The following PBX3 variants were observed in gnomAD, a reference collection of about 807,000 sequenced individuals.
The protein encoded by PBX3 is pre-B-cell leukemia transcription factor 3.
In PBX3, 14 loss-of-function variants were observed where a neutral mutation model predicts 48.5. That is an observed-to-expected ratio of 0.29 (90% CI 0.19 to 0.45). PBX3 has a LOEUF of 0.45. Ranked by LOEUF, PBX3 falls within the 20% of genes least tolerant of loss-of-function variation. The pLI is 1.00. For synonymous variants in PBX3, 210 were observed against 200.3 expected (o/e 1.05, Z -0.41); for missense variants, 386 against 546.7 (o/e 0.71, Z 2.93).
chr9:125,924,077 C>G (rs1390993282), intron 3 of PBX3, among the ~76,000 whole-genome samples: 3 of 151,788 alleles, frequency 2.0e-5, no homozygotes, highest in Non-Finnish European at 2.9e-5. Context: ...GCTGTGTTGC[C>G]CAGGCTGGTC....
chr9:125,925,394 A>T (rs192202269), intron 3 of PBX3, among the ~76,000 whole-genome samples: 183 of 152,270 alleles, frequency 1.2e-3, no homozygotes, highest in African/African-American at 4.3e-3. Flanking sequence ...TAGATTTCAA[A>T]GAGTACAAAA....
chr9:125,808,519 A>T (rs1156496082), intron 2 of PBX3, among the ~76,000 whole-genome samples: 1 of 152,136 alleles, frequency 6.6e-6, no homozygotes, highest in African/African-American at 2.4e-5. Flanking sequence ...TTAAAAAATT[A>T]GCCAGGTGTG....
chr9:125,749,975 A>G (rs1340810011), intron 2 of PBX3, among the ~76,000 whole-genome samples: 1 of 152,182 alleles, frequency 6.6e-6, no homozygotes, highest in African/African-American at 2.4e-5. Flanking sequence ...TTGAATTACT[A>G]ACTTTTATTT....
intron 2 of PBX3, among the ~76,000 whole-genome samples, chr9:125,824,030 C>T (rs1236514572): frequency 2.0e-5 from 3 of 150,210 alleles, no homozygotes; most frequent in Admixed American, 1.3e-4. Context: ...GAGCTGAGAT[C>T]GTGCCACTGC....
rs201422106 is a variant in PBX3, at chr9:125,898,455, A to AAT, written c.275-17230_275-17229insTA. 1.1e-3 allele frequency among the ~76,000 whole-genome samples: 168 copies of AAT among 150,980 alleles called. 2 individuals carry two copies. The South Asian group carries it at 0.02, about 18-fold the overall frequency. On this transcript the variant is annotated intron_variant, in intron 2 of 8. Transcript: ENST00000373489. ...TAGCAGGACCCCATCTTCTGAAAAA[A>AAT]AAAAATAAAAAAAAGGGCCTTTTGA...
intron 2 of PBX3, among the ~76,000 whole-genome samples, chr9:125,767,513 A>T (rs980885969): frequency 6.6e-6 from 1 of 152,240 alleles, no homozygotes; most frequent in South Asian, 2.1e-4. Context: ...AGAAAGCTGT[A>T]GTGCAGGAAA....
intron 2 of PBX3, among the ~76,000 whole-genome samples, chr9:125,845,317 C>CT (rs1839400030): frequency 6.6e-6 from 1 of 151,980 alleles, no homozygotes; most frequent in Non-Finnish European, 1.5e-5. Context: ...AGATAGTTTT[C>CT]TTTTTAGGAT....
intron 4 of PBX3, among the ~76,000 whole-genome samples, chr9:125,934,193 A>C (rs1841784131): frequency 6.6e-6 from 1 of 152,198 alleles, no homozygotes; most frequent in African/African-American, 2.4e-5. Flanking sequence ...TGTTTTGATC[A>C]GACCTAGATT....
intron 2 of PBX3, among the ~76,000 whole-genome samples, chr9:125,838,088 G>T (rs1181644488): frequency 6.6e-6 from 1 of 152,154 alleles, no homozygotes; most frequent in Non-Finnish European, 1.5e-5. Context: ...ACAGGGTTTT[G>T]TTCTATCATC....
intron 2 of PBX3, among the ~76,000 whole-genome samples, chr9:125,871,553 C>T (rs1333039913): frequency 6.6e-6 from 1 of 151,956 alleles, no homozygotes; most frequent in Non-Finnish European, 1.5e-5. Context: ...CAAGGTATAA[C>T]AGAAAACATT....
At chr9:125,854,689 T>G (rs950807107) in intron 2 of PBX3, among the ~76,000 whole-genome samples, 2 of 152,246 alleles carry the variant, frequency 1.3e-5, no homozygotes, top group Non-Finnish European at 2.9e-5. Flanking sequence ...GTCATTGCTT[T>G]CTTTCCCCAT....
chr9:125,813,228 T>A (rs192374618), intron 2 of PBX3, among the ~76,000 whole-genome samples: 9 of 152,184 alleles, frequency 5.9e-5, no homozygotes, highest in South Asian at 2.1e-4. Context: ...GATTTTTTTT[T>A]ATATCCGTAT....
chr9:125,926,460 C>T (rs1296260969), intron 3 of PBX3, among the ~76,000 whole-genome samples: 1 of 151,978 alleles, frequency 6.6e-6, no homozygotes, highest in Non-Finnish European at 1.5e-5. Context: ...GCGGAGGTTG[C>T]AGTGAACCAA....
Position 125,802,525 on chromosome 9 carries a change from G to A in PBX3, c.274+53902G>A, listed in dbSNP as rs529754224. Among the ~76,000 whole-genome samples, 4 of 151,494 alleles carry A rather than the reference G, an allele frequency of 2.6e-5. No individual in the cohort carries two copies. The East Asian group carries it at 5.8e-4, about 22-fold the overall frequency. On this transcript the variant is annotated intron_variant, in intron 2 of 8. Coordinates refer to ENST00000373489, the MANE Select transcript of PBX3 (RefSeq NM_006195.6). ...CTGAGACTACAAGCACACACCACCA[G>A]GCCTAGCTAATTTTCGTATTTTTTG...
At position 125,854,960 on chromosome 9, in the gene PBX3, AAGTG is replaced by A. The variant is rs905249710; in HGVS notation, c.275-60722_275-60719del. On this transcript the variant is annotated intron_variant, in intron 2 of 8. Coordinates refer to ENST00000373489, the MANE Select transcript of PBX3 (RefSeq NM_006195.6). ...GGTGTTATGAAAAGAGCTTGGGAAA[AAGTG>A]AGTACTCTGTAAATAGTAGATATTT... Among the ~76,000 whole-genome samples the A allele has an allele frequency of 6.6e-5, 10 of 152,194 alleles. No individual in the cohort carries two copies. The South Asian group carries it at 8.3e-4, about 13-fold the overall frequency.
At chr9:125,900,857 GTCT>G (rs149319562) in intron 2 of PBX3, among the ~76,000 whole-genome samples, 5,783 of 151,714 alleles carry the variant, frequency 0.038, 375 homozygotes, top group African/African-American at 0.13. Flanking sequence ...AAATGTGGGG[GTCT>G]TCTTCTTTCA....
In PBX3 at chr9:125,940,114, G is replaced by A. The variant is rs150772661; in HGVS notation, c.843+4507G>A. On this transcript the variant is annotated intron_variant, in intron 5 of 8. Coordinates refer to ENST00000373489, the MANE Select transcript of PBX3 (RefSeq NM_006195.6). ...GGAGAATTGCTTGAATCCAGGAGGT[G>A]GAAGTTGTGGGGTGAGCCAAGATCG... Among the ~76,000 whole-genome samples, 481 of 152,216 alleles carry A rather than the reference G, an allele frequency of 3.2e-3. 2 individuals carry two copies. The highest frequency in any genetic ancestry group is 4.6e-3 in the African/African-American group (190 of 41,526).
intron 2 of PBX3, among the ~76,000 whole-genome samples, chr9:125,774,524 C>T (rs1837020787): frequency 6.6e-6 from 1 of 152,092 alleles, no homozygotes; most frequent in Non-Finnish European, 1.5e-5. Flanking sequence ...TGACTGGCAT[C>T]TTTCACTTAA....
At position 125,841,567 on chromosome 9, in the gene PBX3, C is replaced by T. The variant is rs556104647; in HGVS notation, c.275-74119C>T. On this transcript the variant is annotated intron_variant, in intron 2 of 8. Transcript: ENST00000373489. The stretch of plus-strand genomic sequence containing the variant: ...TGCTATTTCATCCCTGGAGTGTTGT[C>T]TTACCCCAGTTTATTCAGTGACAGA... Among the ~76,000 whole-genome samples, 3 of 152,276 alleles carry T rather than the reference C, an allele frequency of 2.0e-5. No individual in the cohort carries two copies. In the East Asian group the frequency reaches 5.8e-4, roughly 29 times the overall value.
Sources: allele counts gnomAD v4.1 joint callset (sites outside exome capture counted in the v4.1 genomes callset), GRCh38; gene constraint gnomAD v4.1.1; transcripts MANE v1.5; gene names NCBI Gene and HGNC (gene_info 2026-07-23, HGNC 2026-07-21).